Variants in AP3B1 observed in about 807,000 individuals in gnomAD.
AP3B1 encodes the protein adaptor related protein complex 3 subunit beta 1, also known as AP-3 complex subunit beta-1.
In AP3B1, 61 loss-of-function variants were observed where a neutral mutation model predicts 132.5. The ratio of observed to expected loss-of-function variants is 0.46; its 90% CI spans 0.37 to 0.57. AP3B1 has a LOEUF of 0.57. Among genes scored for constraint, AP3B1 ranks in the 20% least tolerant of loss-of-function variants. The pLI is 0.00. For missense variants in AP3B1, 1,120 were observed against 1,289.4 expected, an observed-to-expected ratio of 0.87 and a Z score of 2.01; for synonymous variants, 388 against 438.3, an observed-to-expected ratio of 0.89 and a Z score of 1.43.
intron 6 of AP3B1, among the ~76,000 whole-genome samples, chr5:78,216,680 A>C (rs1745976599): frequency 6.6e-6 from 1 of 152,204 alleles, no homozygotes; most frequent in African/African-American, 2.4e-5. Flanking sequence ...TTCTAAAATG[A>C]ACTTATGTTA....
intron 13 of AP3B1, among the ~76,000 whole-genome samples, chr5:78,160,882 C>CA (rs1183886522): frequency 1.3e-5 from 2 of 151,688 alleles, no homozygotes; most frequent in Admixed American, 1.3e-4. Flanking sequence ...TTCCAAACTA[C>CA]AAAAAATAGT....
At chr5:78,068,965 T>C (rs1749415024) in intron 22 of AP3B1, among the ~76,000 whole-genome samples, 1 of 152,194 alleles carries the variant, frequency 6.6e-6, no homozygotes, top group Admixed American at 6.5e-5. Context: ...TGCAAATCAA[T>C]AAACATAATT....
chr5:78,010,862 T>C (rs1467776478), intron 26 of AP3B1, among the ~76,000 whole-genome samples: 2 of 152,118 alleles, frequency 1.3e-5, no homozygotes, highest in Non-Finnish European at 2.9e-5. Context: ...CTTCACAATG[T>C]ATATCTCATT....
At chr5:78,119,144 G>T (rs1752022463) in intron 17 of AP3B1, among the ~76,000 whole-genome samples, 1 of 152,168 alleles carries the variant, frequency 6.6e-6, no homozygotes, top group African/African-American at 2.4e-5. Flanking sequence ...CTGTTAGAAG[G>T]AAAACTAACA....
intron 2 of AP3B1, among the ~76,000 whole-genome samples, chr5:78,267,260 C>T (rs2112562089): frequency 6.6e-6 from 1 of 152,092 alleles, no homozygotes; most frequent in Middle Eastern, 3.4e-3. Flanking sequence ...ACCTCATTCT[C>T]ATAGTAGAAA....
At chr5:78,121,468 A>G (rs1752190094) in intron 17 of AP3B1, among the ~76,000 whole-genome samples, 1 of 152,178 alleles carries the variant, frequency 6.6e-6, no homozygotes, top group Non-Finnish European at 1.5e-5. Context: ...AAAGAAGAAA[A>G]GAGAGAAGAA....
chr5:78,171,068 C>A (rs938262970), intron 11 of AP3B1, among the ~76,000 whole-genome samples: 5 of 152,028 alleles, frequency 3.3e-5, no homozygotes, highest in African/African-American at 7.2e-5. Flanking sequence ...ATTTCTGAGA[C>A]TTCTGTTCTG....
intron 23 of AP3B1, among the ~76,000 whole-genome samples, chr5:78,037,344 A>T (rs1747849818): frequency 6.6e-6 from 1 of 152,172 alleles, no homozygotes; most frequent in Non-Finnish European, 1.5e-5. Flanking sequence ...AAGCAACAAA[A>T]ATAACACAAT....
intron 3 of AP3B1, among the ~76,000 whole-genome samples, chr5:78,230,690 A>G (rs1489460111): frequency 6.6e-6 from 1 of 152,226 alleles, no homozygotes; most frequent in Non-Finnish European, 1.5e-5. Context: ...CACTTATTAA[A>G]ATCTTCCACA....
intron 26 of AP3B1, chr5:78,003,608 G>A (rs1282060221): frequency 1.5e-5 from 3 of 201,738 alleles, no homozygotes; most frequent in Non-Finnish European, 2.6e-5. Flanking sequence ...TAATGTTAAT[G>A]ATGACATGAA....
At chr5:78,222,371 G>C (rs2112486160) in intron 6 of AP3B1, 1 of 153,404 alleles carries the variant, frequency 6.5e-6, no homozygotes. Flanking sequence ...GCGATCCCAA[G>C]GCAGCTGCAG....
intron 26 of AP3B1, among the ~76,000 whole-genome samples, chr5:78,007,535 C>G (rs1746447154): frequency 6.6e-6 from 1 of 152,130 alleles, no homozygotes; most frequent in Non-Finnish European, 1.5e-5. Context: ...ATGCAGTGCC[C>G]TGCCCTAGCT....
At chr5:78,187,119 T>G (rs1220069675) in intron 7 of AP3B1, among the ~76,000 whole-genome samples, 3 of 152,190 alleles carry the variant, frequency 2.0e-5, no homozygotes, top group Admixed American at 2.0e-4. Context: ...TTTTAGTGCT[T>G]AATAAAAAGA....
intron 7 of AP3B1, among the ~76,000 whole-genome samples, chr5:78,192,037 T>C (rs1399260726): frequency 6.6e-6 from 1 of 151,838 alleles, no homozygotes. Flanking sequence ...ATTTTGTATT[T>C]TTAGTAGAGA....
chr5:78,272,166 T>C lies in AP3B1; in HGVS notation c.129-4571A>G, dbSNP rs556662738. Among the ~76,000 whole-genome samples, 105 of 152,324 alleles carry C rather than the reference T, an allele frequency of 6.9e-4. 1 individual carries two copies. Among genetic ancestry groups the C allele is most frequent in the Admixed American group, 1.8e-3 (27 of 15,302 alleles). The stretch of plus-strand genomic sequence containing the variant: ...ATAACAACTTAACTCTTTCAAGTAA[T>C]TGCCAATCAGAAAATCTTTAAATCC... On this transcript the variant is annotated intron_variant, in intron 1 of 26. Transcript: ENST00000255194.
At chr5:78,249,088 C>T (rs1401477012) in intron 2 of AP3B1, among the ~76,000 whole-genome samples, 1 of 152,148 alleles carries the variant, frequency 6.6e-6, no homozygotes, top group Non-Finnish European at 1.5e-5. Context: ...GGCACGGTGG[C>T]TCATGTCTGT....
In AP3B1 at chr5:78,141,271, C is replaced by T. The variant is rs1365538565; in HGVS notation, c.1522G>A (p.Glu508Lys). 6.2e-7 allele frequency: 1 copy of T among 1,613,692 alleles called. No homozygotes were observed. Residue 508 changes from glutamate to lysine, a missense_variant, in exon 15 of 27, where the codon GAA becomes AAA. Coordinates refer to ENST00000255194, the MANE Select transcript of AP3B1 (RefSeq NM_003664.5). ...TCAGGGGCAATTTTAGGAACTCGTT[C>T]ACAGTTTTCTCCAATTAGCCAAAGA... is the stretch of plus-strand genomic sequence containing the variant. ...SILWLIGENC[E>K]RVPKIAPDVL...
At position 78,002,953 on chromosome 5, in the gene AP3B1, C is replaced by T. The variant is rs772128060; in HGVS notation, c.3234G>A (p.Val1078=). The part of the protein sequence containing the change: ...AQLIINTEKT[V]IGSVLLRELK... ...GTTCCCGCAGCAGAACAGAGCCAAT[C>T]ACAGTTTTCTCAGTGTTTATGATAA... The change falls in exon 27 of 27, where the codon GTG becomes GTA. Residue 1078 remains valine, a synonymous_variant. Transcript: ENST00000255194. 6.2e-7 allele frequency: 1 copy of T among 1,614,066 alleles called. No homozygotes were observed. The highest frequency in any genetic ancestry group is 1.3e-5 in the African/African-American group (1 of 74,908).
chr5:78,014,401 C>T (rs1746767754), intron 26 of AP3B1, among the ~76,000 whole-genome samples: 2 of 151,996 alleles, frequency 1.3e-5, no homozygotes, highest in Admixed American at 1.3e-4. Context: ...ACTTTTTCTT[C>T]CTGCCACCCA....
Sources: gnomAD v4.1 joint callset for allele counts (sites outside exome capture counted in the v4.1 genomes callset) on GRCh38, gnomAD v4.1.1 for gene constraint, MANE v1.5 for transcripts, NCBI Gene and HGNC (gene_info 2026-07-23, HGNC 2026-07-21) for gene names.